Variants in AKT3 observed in about 807,000 individuals in gnomAD.
AKT3 encodes the protein AKT serine/threonine kinase 3, also known as RAC-gamma serine/threonine-protein kinase.
AKT3 carries 15 observed loss-of-function variants against 65.3 expected under a neutral mutation model. The observed-to-expected ratio is 0.23, with a 90% CI of 0.15 to 0.35. The LOEUF (loss-of-function observed/expected upper bound fraction) is 0.35, where lower values mean the gene tolerates loss of function less well. Ranked by LOEUF, AKT3 falls within the 10% of genes least tolerant of loss-of-function variation. The pLI is 1.00. For synonymous variants in AKT3, 206 were observed against 183.8 expected (o/e 1.12, Z -0.98); for missense variants, 243 against 576.5 (o/e 0.42, Z 5.92).
chr1:243,574,145 C>T (rs1331641794), intron 8 of AKT3, among the ~76,000 whole-genome samples: 1 of 152,068 alleles, frequency 6.6e-6, no homozygotes, highest in Non-Finnish European at 1.5e-5. Context: ...AATGTTTCTA[C>T]AAAATTGGTG....
intron 2 of AKT3, among the ~76,000 whole-genome samples, chr1:243,699,883 G>A (rs544779311): frequency 1.3e-5 from 2 of 151,936 alleles, no homozygotes; most frequent in Non-Finnish European, 2.9e-5. Flanking sequence ...AAGGGGGAAC[G>A]TGGCCACAGA....
Position 243,503,219 on chromosome 1 carries a change from T to C in AKT3, c.*2030A>G, listed in dbSNP as rs1669437558. On this transcript the variant is annotated 3_prime_UTR_variant, in exon 14 of 14. Coordinates refer to ENST00000673466, the MANE Select transcript of AKT3 (RefSeq NM_005465.7). Reference sequence around the variant, plus strand: ...AGAAATATGAAAAAGAAGGATAACGTTGATGTCTGAATATGTCTTAGCTGC... The same window carrying C: ...AGAAATATGAAAAAGAAGGATAACGCTGATGTCTGAATATGTCTTAGCTGC... 1 of 233,614 alleles carries C rather than the reference T, an allele frequency of 4.3e-6. No individual in the cohort carries two copies. The highest frequency in any genetic ancestry group is 1.8e-4 in the South Asian group (1 of 5,528). The allele number at this position is 233,614 out of a possible 1,614,324, so 14.5% of individuals were successfully genotyped here. A position where few individuals can be genotyped will look rare whatever the true frequency, so the allele number is the denominator to read the frequency against.
chr1:243,537,684 T>G (rs1320392073), intron 12 of AKT3, among the ~76,000 whole-genome samples: 3 of 152,266 alleles, frequency 2.0e-5, no homozygotes, highest in South Asian at 2.1e-4. Flanking sequence ...TTTCCTTACT[T>G]CAGCATCTAC....
chr1:243,809,825 C>A (rs1693009716), intron 2 of AKT3, among the ~76,000 whole-genome samples: 1 of 152,192 alleles, frequency 6.6e-6, no homozygotes, highest in Admixed American at 6.5e-5. Context: ...GAAATTATAA[C>A]AAACTGTTTC....
At chr1:243,513,108 C>T (rs1015542834) in intron 12 of AKT3, among the ~76,000 whole-genome samples, 1 of 152,160 alleles carries the variant, frequency 6.6e-6, no homozygotes, top group Non-Finnish European at 1.5e-5. Context: ...TCGCACTGCA[C>T]CTGCGGCAGG....
rs1670755851 is a variant in AKT3 at position 243,522,109 on chromosome 1, C to G, written c.1252-9683G>C. On this transcript the variant is annotated intron_variant, in intron 12 of 13. Coordinates refer to ENST00000673466, the MANE Select transcript of AKT3 (RefSeq NM_005465.7). ...AGAGGGTAACAAAAAGATTTTGCAC[C>G]TAGTAGTGTTAAAGGACAAGTTGCA... is the stretch of plus-strand genomic sequence containing the variant. Among the ~76,000 whole-genome samples the G allele has an allele frequency of 3.3e-5, 5 of 152,234 alleles. No individual in the cohort carries two copies. The South Asian group carries it at 1.0e-3, about 32-fold the overall frequency.
At chr1:243,627,883 CACATATGAATGGAAACCTAA>C (rs1366097617) in intron 6 of AKT3, among the ~76,000 whole-genome samples, 3 of 152,156 alleles carry the variant, frequency 2.0e-5, no homozygotes, top group African/African-American at 7.2e-5. Flanking sequence ...CCTGAAAGGA[CACATATGAATGGAAACCTAA>C]ACAACAGCAG....
At chr1:243,508,994 TACAATTGCA>T (rs1383606907) in intron 13 of AKT3, among the ~76,000 whole-genome samples, 10 of 152,180 alleles carry the variant, frequency 6.6e-5, no homozygotes, top group African/African-American at 2.4e-4. Flanking sequence ...TTTGTGGTCC[TACAATTGCA>T]GGTGGATTTT....
chr1:243,809,595 C>T (rs1692992274), intron 2 of AKT3, among the ~76,000 whole-genome samples: 1 of 152,122 alleles, frequency 6.6e-6, no homozygotes, highest in Non-Finnish European at 1.5e-5. Flanking sequence ...GAGAGTTTAA[C>T]ACCCCACTGT....
intron 2 of AKT3, among the ~76,000 whole-genome samples, chr1:243,773,286 A>G (rs959787209): frequency 1.3e-4 from 19 of 151,542 alleles, no homozygotes; most frequent in Non-Finnish European, 2.5e-4. Flanking sequence ...TCTGGAGGGT[A>G]ATTAAAGATA....
At chr1:243,635,785 A>G (rs928335325) in intron 6 of AKT3, among the ~76,000 whole-genome samples, 4 of 152,084 alleles carry the variant, frequency 2.6e-5, no homozygotes, top group South Asian at 2.1e-4. Flanking sequence ...CAGTAAAAAG[A>G]TATCAAAATC....
At chr1:243,810,820 T>C (rs1398961298) in intron 2 of AKT3, among the ~76,000 whole-genome samples, 1 of 152,160 alleles carries the variant, frequency 6.6e-6, no homozygotes, top group African/African-American at 2.4e-5. Context: ...ATTAAAAAGC[T>C]TATCCACCAT....
chr1:243,738,657 T>C (rs1389435578), intron 2 of AKT3, among the ~76,000 whole-genome samples: 1 of 152,132 alleles, frequency 6.6e-6, no homozygotes, highest in African/African-American at 2.4e-5. Flanking sequence ...TTAGTACTCG[T>C]TGAGGATGAA....
intron 8 of AKT3, among the ~76,000 whole-genome samples, chr1:243,606,899 C>T (rs1677470449): frequency 1.3e-5 from 2 of 152,226 alleles, no homozygotes; most frequent in South Asian, 4.1e-4. Flanking sequence ...CCAGCTGTGG[C>T]TAAAAGGGAC....
chr1:243,594,772 G>T (rs932703408), intron 8 of AKT3, among the ~76,000 whole-genome samples: 1 of 152,104 alleles, frequency 6.6e-6, no homozygotes, highest in African/African-American at 2.4e-5. Context: ...TAGAGACAGG[G>T]TCCTGCTGTG....
At chr1:243,691,426 C>G (rs894524179) in intron 3 of AKT3, among the ~76,000 whole-genome samples, 1 of 152,062 alleles carries the variant, frequency 6.6e-6, no homozygotes, top group Non-Finnish European at 1.5e-5. Context: ...TTAGAAAGAC[C>G]ACTTTGATAC....
chr1:243,577,349 G>A (rs1032847706), intron 8 of AKT3, among the ~76,000 whole-genome samples: 8 of 152,102 alleles, frequency 5.3e-5, no homozygotes, highest in African/African-American at 1.9e-4. Context: ...GTTTCACCAT[G>A]TTGGCCAGGC....
At chr1:243,806,780 A>T (rs1369770538) in intron 2 of AKT3, among the ~76,000 whole-genome samples, 1 of 152,208 alleles carries the variant, frequency 6.6e-6, no homozygotes, top group Non-Finnish European at 1.5e-5. Context: ...CATTAAGGAA[A>T]ATATGCATAC....
At chr1:243,726,083 T>C (rs950057887) in intron 2 of AKT3, among the ~76,000 whole-genome samples, 1 of 151,560 alleles carries the variant, frequency 6.6e-6, no homozygotes, top group South Asian at 2.1e-4. Context: ...TAATGTCTAG[T>C]ATGCTGGTGG....
Sources: allele counts gnomAD v4.1 joint callset (sites outside exome capture counted in the v4.1 genomes callset), GRCh38; gene constraint gnomAD v4.1.1; transcripts MANE v1.5; gene names NCBI Gene and HGNC (gene_info 2026-07-23, HGNC 2026-07-21).